The following BDP1 variants were observed in gnomAD, a reference collection of about 807,000 sequenced individuals.
BDP1 encodes the protein BDP1 general transcription factor IIIB subunit.
Under a neutral mutation model 266.6 loss-of-function variants are expected in BDP1, and 169 were observed. That is an observed-to-expected ratio of 0.63 (90% CI 0.56 to 0.72). The LOEUF is 0.72. Ranked by LOEUF, BDP1 falls within the 30% of genes least tolerant of loss-of-function variation. The pLI, the probability that BDP1 is intolerant of heterozygous loss-of-function variation, is 0.00. For synonymous variants in BDP1, 1,090 were observed against 1,022.4 expected (o/e 1.07, Z -1.26); for missense variants, 3,015 against 3,053.8 (o/e 0.99, Z 0.30).
intron 21 of BDP1, among the ~76,000 whole-genome samples, chr5:71,516,812 T>C (rs942423133): frequency 2.6e-5 from 4 of 152,188 alleles, no homozygotes; most frequent in Admixed American, 2.6e-4. Flanking sequence ...AAAATGTTCA[T>C]TTTAGGTAGT....
At chr5:71,471,138 C>CTTTTTTTTTTTT (rs869292040) in intron 7 of BDP1, among the ~76,000 whole-genome samples, 1 of 115,060 alleles carries the variant, frequency 8.7e-6, no homozygotes, top group African/African-American at 3.4e-5. Flanking sequence ...TTAAGGGTAG[C>CTTTTTTTTTTTT]TTTTTTTTTT....
intron 17 of BDP1, 92 bp downstream of exon 17, chr5:71,511,243 A>G (rs764175668): frequency 3.7e-5 from 47 of 1,280,648 alleles, no homozygotes; most frequent in Admixed American, 7.0e-5. Flanking sequence ...AAGTCCAACA[A>G]CACTTAAAAA....
chr5:71,545,489 A>T (rs376952840), intron 32 of BDP1: 1 of 421,458 alleles, frequency 2.4e-6, no homozygotes, highest in East Asian at 4.9e-5. Flanking sequence ...GTGTCACCAC[A>T]GCCAGCTAGG....
At chr5:71,538,442 T>G (rs995107544) in intron 26 of BDP1, among the ~76,000 whole-genome samples, 1 of 152,172 alleles carries the variant, frequency 6.6e-6, no homozygotes, top group Non-Finnish European at 1.5e-5. Context: ...TCACATAGAC[T>G]CTCACCTTTG....
chr5:71,532,179 T>C, intron 25 of BDP1, 129 bp from the exon 26 acceptor site: 1 of 737,720 alleles, frequency 1.4e-6, no homozygotes, highest in Non-Finnish European at 2.0e-6. Flanking sequence ...TTCCATTTTT[T>C]AAGTTATGTA....
intron 5 of BDP1, among the ~76,000 whole-genome samples, chr5:71,466,620 A>G (rs10942466): frequency 0.39 from 58,932 of 151,956 alleles, 12,215 homozygotes; most frequent in South Asian, 0.47. Flanking sequence ...TGGATATACA[A>G]TGAAATGTAG....
intron 16 of BDP1, among the ~76,000 whole-genome samples, chr5:71,507,955 CT>C (rs2150462645): frequency 6.6e-6 from 1 of 152,218 alleles, no homozygotes; most frequent in African/African-American, 2.4e-5. Context: ...CAATAGCATA[CT>C]TTTGTTGTTT....
intron 4 of BDP1, among the ~76,000 whole-genome samples, chr5:71,465,272 CATTATT>C (rs530411913): frequency 1.3e-5 from 2 of 151,342 alleles, no homozygotes; most frequent in African/African-American, 4.9e-5. Flanking sequence ...TAACTATAAG[CATTATT>C]ATTATTATTA....
At position 71,556,895 on chromosome 5, in the gene BDP1, A is replaced by G; in HGVS notation, c.7210A>G (p.Lys2404Glu). ...AATTTTCTTAAAATAGGTGCACTCA[A>G]AGGAATTAACAAATGTTTTTGAGGA... ...CQEYTTEVHS[K>E]ELTNVFEETG... Residue 2404 changes from lysine to glutamate, a missense_variant, in exon 36 of 39, where the codon AAG (lysine) becomes GAG (glutamate). Physicochemically the swap from Lys to Glu is moderately conservative, Grantham distance 56 (BLOSUM62 1). Transcript: ENST00000358731. 6.9e-7 allele frequency: 1 copy of G among 1,451,856 alleles called. No homozygotes were observed. The highest frequency in any genetic ancestry group is 9.2e-7 in the Non-Finnish European group (1 of 1,085,628). 89.9% of individuals were successfully genotyped at this position (1,451,856 alleles called of 1,614,324 possible). A position where few individuals can be genotyped will look rare whatever the true frequency, so the allele number is the denominator to read the frequency against.
chr5:71,457,222 T>A (rs1488754824), intron 1 of BDP1, among the ~76,000 whole-genome samples: 1 of 152,062 alleles, frequency 6.6e-6, no homozygotes, highest in East Asian at 1.9e-4. Context: ...ATATTTAATT[T>A]TTTTTTTTGA....
chr5:71,559,875 A>G (rs1743503211), intron 36 of BDP1, 107 bp from the exon 37 acceptor site: 1 of 1,095,976 alleles, frequency 9.1e-7, no homozygotes, highest in Non-Finnish European at 1.3e-6. Flanking sequence ...TACTCTTATT[A>G]GGGTAGGTTT....
At chr5:71,541,375 A>G in intron 28 of BDP1, 79 bp from the exon 29 acceptor site, 3 of 602,116 alleles carry the variant, frequency 5.0e-6, no homozygotes, top group East Asian at 2.9e-5. Context: ...GAATTTTACA[A>G]TTACTAAATG....
At chr5:71,551,946 G>A (rs1580205528) in intron 34 of BDP1, among the ~76,000 whole-genome samples, 1 of 147,666 alleles carries the variant, frequency 6.8e-6, no homozygotes, top group African/African-American at 2.6e-5. Flanking sequence ...CTGGCCGGGC[G>A]GGGGGCTGAC....
At position 71,509,821 on chromosome 5, in the gene BDP1, G is replaced by A. The variant is rs1217359449; in HGVS notation, c.2729G>A (p.Cys910Tyr). Residue 910 changes from cysteine (C) to tyrosine (Y), a missense_variant, in exon 17 of 39, where the codon TGT becomes TAT. Transcript: ENST00000358731. Reference sequence around the variant, plus strand: ...CTGAAAGCAATGGGAAGAGAGATTTGTCTAAGGGAGAAGACGCCAGAGGTG... The same window carrying A: ...CTGAAAGCAATGGGAAGAGAGATTTATCTAAGGGAGAAGACGCCAGAGGTG... ...TGLKAMGREI[C>Y]LREKTPEVID... 3.7e-6 allele frequency: 6 copies of A among 1,614,078 alleles called. No individual in the cohort carries two copies. In the East Asian group the frequency reaches 1.1e-4, roughly 30 times the overall value.
chr5:71,489,053 G>A lies in BDP1; in HGVS notation c.1214-351G>A, dbSNP rs991782690. On this transcript the variant is annotated intron_variant, in intron 9 of 38. Coordinates refer to ENST00000358731, the MANE Select transcript of BDP1 (RefSeq NM_018429.3). ...TTTACAGTATACTCAACTTATGATG[G>A]GTTTATTGGGATGAAACCCAGTGTA... 2.0e-5 allele frequency among the ~76,000 whole-genome samples: 3 copies of A among 152,084 alleles called. No homozygotes were observed. The South Asian group carries it at 6.2e-4, about 32-fold the overall frequency.
intron 36 of BDP1, among the ~76,000 whole-genome samples, chr5:71,557,842 A>G (rs972693015): frequency 2.0e-5 from 3 of 152,100 alleles, no homozygotes; most frequent in African/African-American, 7.2e-5. Flanking sequence ...GTGGCCTATA[A>G]TGGCATTCAT....
In BDP1 at chr5:71,500,972, C is replaced by T. The variant is rs371313462; in HGVS notation, c.1957-590C>T. On this transcript the variant is annotated intron_variant, in intron 13 of 38. Transcript: ENST00000358731. ...AAAATTAGCTGGGCATAGTGTGCACCTGTAGTCCCAGCTACTCAGGAGGCT... is the reference window on the plus strand; with the variant it reads ...AAAATTAGCTGGGCATAGTGTGCACTTGTAGTCCCAGCTACTCAGGAGGCT... 9.9e-5 allele frequency among the ~76,000 whole-genome samples: 15 copies of T among 151,906 alleles called. 1 individual carries two copies. Among genetic ancestry groups the T allele is most frequent in the African/African-American group, 3.6e-4 (15 of 41,420 alleles).
chr5:71,511,037 C>T lies in BDP1; in HGVS notation c.3945C>T (p.Asp1315=), dbSNP rs1217426474. 1.2e-6 allele frequency: 2 copies of T among 1,614,128 alleles called. No individual in the cohort carries two copies. The highest frequency in any genetic ancestry group is 3.3e-5 in the Admixed American group (2 of 59,998). The change falls in exon 17 of 39, where the codon GAC becomes GAT. Residue 1315 remains aspartate (D), a synonymous_variant. Transcript: ENST00000358731. ...VAELKQTGKT[D]ISPRENELEE... ...AATTGAAACAAACTGGAAAAACAGA[C>T]ATTTCTCCAAGGGAAAACGAGCTAG...
chr5:71,485,261 G>A (rs2150399358), intron 8 of BDP1, among the ~76,000 whole-genome samples: 1 of 152,248 alleles, frequency 6.6e-6, no homozygotes, highest in South Asian at 2.1e-4. Context: ...GCCAGCCTGG[G>A]CAACACAGCA....
Sources: gnomAD v4.1 joint callset for allele counts (sites outside exome capture counted in the v4.1 genomes callset) on GRCh38, gnomAD v4.1.1 for gene constraint, MANE v1.5 for transcripts, NCBI Gene and HGNC (gene_info 2026-07-23, HGNC 2026-07-21) for gene names.